The following MPZL1 variants were observed in gnomAD, a reference collection of about 807,000 sequenced individuals.
MPZL1 encodes myelin protein zero like 1.
In MPZL1, 16 loss-of-function variants were observed where a neutral mutation model predicts 29.3. The observed-to-expected ratio is 0.55, with a 90% CI of 0.37 to 0.83. The LOEUF is 0.83. Among genes scored for constraint, MPZL1 ranks in the 40% least tolerant of loss-of-function variants. MPZL1 has a pLI of 0.00. For synonymous variants in MPZL1, 143 were observed against 132.0 expected, an observed-to-expected ratio of 1.08 and a Z score of -0.57; for missense variants, 279 against 332.9, an observed-to-expected ratio of 0.84 and a Z score of 1.26.
chr1:167,769,654 G>A (rs1661196997), intron 2 of MPZL1, among the ~76,000 whole-genome samples: 1 of 152,190 alleles, frequency 6.6e-6, no homozygotes, highest in African/African-American at 2.4e-5. Context: ...CTTGTAAGTA[G>A]GGTAAAATCT....
At chr1:167,727,501 A>T (rs539997317) in intron 1 of MPZL1, among the ~76,000 whole-genome samples, 1 of 152,334 alleles carries the variant, frequency 6.6e-6, no homozygotes, top group South Asian at 2.1e-4. Context: ...CATATAATTT[A>T]TTATAGATTA....
intron 2 of MPZL1, among the ~76,000 whole-genome samples, chr1:167,769,867 T>C (rs949289441): frequency 6.6e-6 from 1 of 152,132 alleles, no homozygotes; most frequent in Non-Finnish European, 1.5e-5. Flanking sequence ...GGGAACCGAA[T>C]AGAGAGAAGA....
At chr1:167,778,283 T>G (rs1227555539) in intron 5 of MPZL1, among the ~76,000 whole-genome samples, 3 of 150,314 alleles carry the variant, frequency 2.0e-5, no homozygotes, top group African/African-American at 7.4e-5. Flanking sequence ...ATCACACCAC[T>G]GGCACTCCAG....
At chr1:167,737,048 G>A (rs956635879) in intron 1 of MPZL1, among the ~76,000 whole-genome samples, 14 of 152,072 alleles carry the variant, frequency 9.2e-5, no homozygotes, top group Non-Finnish European at 1.5e-5. Context: ...CTCCTATTTA[G>A]CTTTCTCATC....
At chr1:167,776,203 C>T in intron 5 of MPZL1, 37 bp downstream of exon 5, 1 of 1,485,130 alleles carries the variant, frequency 6.7e-7, no homozygotes, top group Non-Finnish European at 9.4e-7. Context: ...CTGCACTGTT[C>T]CCTACAGCTT....
At chr1:167,746,585 G>A (rs1660651712) in intron 1 of MPZL1, among the ~76,000 whole-genome samples, 2 of 152,186 alleles carry the variant, frequency 1.3e-5, no homozygotes, top group South Asian at 4.1e-4. Context: ...CTTTACCAAG[G>A]GGGTGCTATT....
intron 4 of MPZL1, chr1:167,774,665 A>G (rs958352655): frequency 1.3e-5 from 2 of 152,250 alleles, no homozygotes; most frequent in Non-Finnish European, 2.9e-5. Context: ...AGACTCCTGC[A>G]TGGCATCATG....
At chr1:167,729,111 A>T (rs1406534338) in intron 1 of MPZL1, among the ~76,000 whole-genome samples, 5 of 149,604 alleles carry the variant, frequency 3.3e-5, no homozygotes, top group Non-Finnish European at 6.0e-5. Flanking sequence ...TACTGAAAAT[A>T]AAAAAAAAAT....
At chr1:167,784,855 C>T (rs1661562125) in intron 5 of MPZL1, among the ~76,000 whole-genome samples, 1 of 152,156 alleles carries the variant, frequency 6.6e-6, no homozygotes, top group South Asian at 2.1e-4. Context: ...TTGAAGAATA[C>T]CAAGTCCATC....
In MPZL1 at chr1:167,766,589, G is replaced by C. The variant is rs987898110; in HGVS notation, c.258+840G>C. 3.9e-5 allele frequency among the ~76,000 whole-genome samples: 6 copies of C among 152,328 alleles called. 1 individual carries two copies. The highest frequency in any genetic ancestry group is 1.3e-4 in the Admixed American group (2 of 15,308). Reference sequence around the variant, plus strand: ...TATTTTAGTACTGTTGCATGTTTCAGGTTGTCAGTGTTTAGCAAGGACAGT... The same window carrying C: ...TATTTTAGTACTGTTGCATGTTTCACGTTGTCAGTGTTTAGCAAGGACAGT... On this transcript the variant is annotated intron_variant, in intron 2 of 5. Coordinates refer to ENST00000359523, the MANE Select transcript of MPZL1 (RefSeq NM_003953.6).
At chr1:167,723,660 G>T (rs1229100313) in intron 1 of MPZL1, among the ~76,000 whole-genome samples, 1 of 152,070 alleles carries the variant, frequency 6.6e-6, no homozygotes, top group East Asian at 1.9e-4. Flanking sequence ...TTAAAATCAG[G>T]GTATTAAACG....
At chr1:167,748,427 T>C (rs1660690930) in intron 1 of MPZL1, among the ~76,000 whole-genome samples, 1 of 152,198 alleles carries the variant, frequency 6.6e-6, no homozygotes, top group African/African-American at 2.4e-5. Flanking sequence ...GCTTATTGGC[T>C]ATGTATGTCT....
intron 5 of MPZL1, among the ~76,000 whole-genome samples, chr1:167,777,264 C>T (rs1407569006): frequency 2.0e-5 from 3 of 152,234 alleles, no homozygotes; most frequent in East Asian, 1.9e-4. Flanking sequence ...ATTTTTATTC[C>T]GCCCTTGAAG....
chr1:167,754,127 A>G (rs758937599), intron 1 of MPZL1, among the ~76,000 whole-genome samples: 1 of 151,668 alleles, frequency 6.6e-6, no homozygotes, highest in African/African-American at 2.4e-5. Flanking sequence ...CCTCCCAAGT[A>G]GCTGAGATTA....
Position 167,728,588 on chromosome 1 carries a change from T to TTATCCAAGA in MPZL1, c.91+6348_91+6356dup, listed in dbSNP as rs546549205. 3.9e-5 allele frequency among the ~76,000 whole-genome samples: 6 copies of TTATCCAAGA among 152,252 alleles called. No homozygotes were observed. In the East Asian group the frequency reaches 9.7e-4, roughly 24 times the overall value. On this transcript the variant is annotated intron_variant, in intron 1 of 5. Transcript: ENST00000359523. ...ATTTTTTCTTGATCCCATTAGGCCT[T>TTATCCAAGA]TATCCAAGATGATTTCATTGATAAA...
intron 1 of MPZL1, among the ~76,000 whole-genome samples, chr1:167,745,003 A>G (rs1390070818): frequency 6.6e-6 from 1 of 152,158 alleles, no homozygotes; most frequent in African/African-American, 2.4e-5. Context: ...AAAAGGGTTT[A>G]TGACTCACTT....
chr1:167,754,116 G>A (rs939510880), intron 1 of MPZL1, among the ~76,000 whole-genome samples: 4 of 152,044 alleles, frequency 2.6e-5, no homozygotes, highest in Non-Finnish European at 5.9e-5. Flanking sequence ...TCCCCGCTCA[G>A]CCTCCCAAGT....
chr1:167,783,848 C>T (rs915626408), intron 5 of MPZL1, among the ~76,000 whole-genome samples: 2 of 151,998 alleles, frequency 1.3e-5, no homozygotes, highest in African/African-American at 4.8e-5. Flanking sequence ...ACTTAAAAAA[C>T]AGTGGAATAA....
chr1:167,728,597 A>T (rs1215814971), intron 1 of MPZL1, among the ~76,000 whole-genome samples: 1 of 152,164 alleles, frequency 6.6e-6, no homozygotes, highest in African/African-American at 2.4e-5. Flanking sequence ...TTTATCCAAG[A>T]TGATTTCATT....
Sources: gnomAD v4.1 joint callset for allele counts (sites outside exome capture counted in the v4.1 genomes callset) on GRCh38, gnomAD v4.1.1 for gene constraint, MANE v1.5 for transcripts, NCBI Gene and HGNC (gene_info 2026-07-23, HGNC 2026-07-21) for gene names.